Variants in CACNA1D observed in about 807,000 individuals in gnomAD.
The protein encoded by CACNA1D is voltage-dependent L-type calcium channel subunit alpha-1D.
In CACNA1D, 55 loss-of-function variants were observed where a neutral mutation model predicts 257.1. The observed-to-expected ratio is 0.21, with a 90% confidence interval of 0.17 to 0.27. The LOEUF is 0.27. Ranked by LOEUF, CACNA1D falls within the 10% of genes least tolerant of loss-of-function variation. The probability of loss-of-function intolerance (pLI) is 1.00; values close to 1 mark genes in which losing one functional copy is unlikely to be tolerated. For synonymous variants in CACNA1D, 980 were observed against 1,014.9 expected, an observed-to-expected ratio of 0.97 and a Z score of 0.65; for missense variants, 1,876 against 2,784.0, an observed-to-expected ratio of 0.67 and a Z score of 7.34.
At chr3:53,665,024 G>A (rs2094247110) in intron 5 of CACNA1D, among the ~76,000 whole-genome samples, 1 of 152,152 alleles carries the variant, frequency 6.6e-6, no homozygotes, top group African/African-American at 2.4e-5. Context: ...ACGGTGCCAG[G>A]GAGTGATTGC....
At chr3:53,542,848 A>G (rs1343257937) in intron 3 of CACNA1D, among the ~76,000 whole-genome samples, 1 of 152,030 alleles carries the variant, frequency 6.6e-6, no homozygotes, top group Non-Finnish European at 1.5e-5. Context: ...TGAGGTCAGG[A>G]GTTCGAGACC....
chr3:53,601,328 G>T (rs767503511), intron 3 of CACNA1D, among the ~76,000 whole-genome samples: 2 of 152,102 alleles, frequency 1.3e-5, no homozygotes, highest in African/African-American at 2.4e-5. Flanking sequence ...TACTAAATAG[G>T]CTCCTTTAAT....
intron 3 of CACNA1D, among the ~76,000 whole-genome samples, chr3:53,553,461 G>C (rs1376645393): frequency 3.3e-5 from 5 of 152,184 alleles, no homozygotes; most frequent in African/African-American, 1.2e-4. Context: ...TGCTGGTGGT[G>C]GCAGGGGAAA....
At chr3:53,497,574 A>C in intron 2 of CACNA1D, 113 bp downstream of exon 2, 1 of 1,114,028 alleles carries the variant, frequency 9.0e-7, no homozygotes, top group South Asian at 1.3e-5. Flanking sequence ...TGCGAGTAAC[A>C]GAAGTTGTAT....
At chr3:53,672,183 A>G (rs2094329381) in intron 7 of CACNA1D, among the ~76,000 whole-genome samples, 2 of 152,122 alleles carry the variant, frequency 1.3e-5, no homozygotes, top group African/African-American at 2.4e-5. Flanking sequence ...TCCTCAGGCC[A>G]CACCCTTTCA....
intron 3 of CACNA1D, among the ~76,000 whole-genome samples, chr3:53,623,212 G>A (rs1040008391): frequency 1.1e-4 from 16 of 152,296 alleles, no homozygotes; most frequent in African/African-American, 2.2e-4. Flanking sequence ...AAGAGAAAGC[G>A]CGGTGTATCA....
Position 53,802,138 on chromosome 3 carries a change from C to T in CACNA1D, c.5409-9C>T, listed in dbSNP as rs371844921. ...TCCCTCCTTCCCATGTTATGCCTTT[C>T]CTGGATAGAACCCGCTATTATGAAA... On this transcript the variant is annotated splice_polypyrimidine_tract_variant and intron_variant, in intron 42 of 47. Coordinates refer to ENST00000350061, the MANE Select transcript of CACNA1D (RefSeq NM_001128840.3). 8 of 1,605,172 alleles carry T rather than the reference C, an allele frequency of 5.0e-6. No homozygotes were observed. The highest frequency in any genetic ancestry group is 6.8e-6 in the Non-Finnish European group (8 of 1,171,982).
intron 8 of CACNA1D, among the ~76,000 whole-genome samples, chr3:53,675,172 G>A (rs2094362826): frequency 6.6e-6 from 1 of 152,208 alleles, no homozygotes; most frequent in Non-Finnish European, 1.5e-5. Context: ...GCCAGAGAGA[G>A]GAGTGGGGGC....
At chr3:53,624,831 T>C (rs1412242936) in intron 3 of CACNA1D, among the ~76,000 whole-genome samples, 1 of 152,152 alleles carries the variant, frequency 6.6e-6, no homozygotes, top group East Asian at 1.9e-4. Context: ...TGGGATTGTG[T>C]AGGGGCAAAC....
chr3:53,515,155 G>A (rs1249514414), intron 3 of CACNA1D, among the ~76,000 whole-genome samples: 1 of 152,152 alleles, frequency 6.6e-6, no homozygotes, highest in Admixed American at 6.5e-5. Flanking sequence ...GGGGTAAAAA[G>A]TTCAAAGCTC....
chr3:53,563,695 A>G (rs1028325528), intron 3 of CACNA1D, among the ~76,000 whole-genome samples: 6 of 152,290 alleles, frequency 3.9e-5, no homozygotes, highest in East Asian at 3.9e-4. Context: ...TTTTCCCTCA[A>G]TAATACTTCT....
chr3:53,692,919 A>C (rs568560274), intron 8 of CACNA1D, among the ~76,000 whole-genome samples: 1 of 152,298 alleles, frequency 6.6e-6, no homozygotes, highest in African/African-American at 2.4e-5. Context: ...TTAGCTGGAC[A>C]TGGTGGCGCA....
At chr3:53,591,168 TTCTC>T (rs2093298670) in intron 3 of CACNA1D, among the ~76,000 whole-genome samples, 5 of 152,184 alleles carry the variant, frequency 3.3e-5, no homozygotes, top group Admixed American at 3.3e-4. Flanking sequence ...TTTTCTCTTA[TTCTC>T]TCTGTCTGGA....
chr3:53,591,004 C>G (rs996101777), intron 3 of CACNA1D, among the ~76,000 whole-genome samples: 2 of 152,104 alleles, frequency 1.3e-5, no homozygotes, highest in African/African-American at 4.8e-5. Flanking sequence ...GGCACTGGAC[C>G]CAGACCTTTG....
intron 8 of CACNA1D, among the ~76,000 whole-genome samples, chr3:53,686,582 G>T (rs1049822715): frequency 3.3e-5 from 5 of 151,646 alleles, no homozygotes; most frequent in African/African-American, 1.2e-4. Flanking sequence ...GAAATCATAC[G>T]ATCACCTCAG....
chr3:53,673,216 G>A lies in CACNA1D; in HGVS notation c.1220+90G>A, dbSNP rs756946915. ...TTTGCTGGATGAGGGCCGCCAAGAG[G>A]GGTTGCCAGACATTTTATGTGTCCT... On this transcript the variant is annotated intron_variant, in intron 8 of 47. Transcript: ENST00000350061. This position sits in a 1 kb window ranked among gnomAD's most constrained non-coding sequence, Gnocchi z 4.1. 5.8e-5 allele frequency: 48 copies of A among 823,730 alleles called. No individual in the cohort carries two copies. Among genetic ancestry groups the A allele is most frequent in the Admixed American group, 1.4e-4 (6 of 44,360 alleles). The allele number at this position is 823,730 out of a possible 1,614,324, so 51.0% of individuals were successfully genotyped here. A position where few individuals can be genotyped will look rare whatever the true frequency, so the allele number is the denominator to read the frequency against.
intron 7 of CACNA1D, among the ~76,000 whole-genome samples, chr3:53,667,841 A>ATG (rs61605595): frequency 0.1 from 15,322 of 149,940 alleles, 1,833 homozygotes; most frequent in African/African-American, 0.3. Flanking sequence ...GTGTGTATGC[A>ATG]TGTGTGTGTG....
chr3:53,704,660 G>T (rs1451610743), intron 9 of CACNA1D, among the ~76,000 whole-genome samples: 5 of 152,208 alleles, frequency 3.3e-5, no homozygotes, highest in African/African-American at 1.2e-4. Context: ...GGAGATGCCT[G>T]CACCGCTCTT....
In CACNA1D at chr3:53,661,223, C is replaced by T. The variant is rs375135163; in HGVS notation, c.766+948C>T. On this transcript the variant is annotated intron_variant, in intron 5 of 47. Transcript: ENST00000350061. ...TGCAGGGTGTGCCTGTTTTTCACAA[C>T]TCATAAAGCCATCAGAAGAACACAG... is the stretch of plus-strand genomic sequence containing the variant. 6.6e-5 allele frequency among the ~76,000 whole-genome samples: 10 copies of T among 152,278 alleles called. No individual in the cohort carries two copies. In the South Asian group the frequency reaches 1.9e-3, roughly 28 times the overall value.
Sources: allele counts gnomAD v4.1 joint callset (sites outside exome capture counted in the v4.1 genomes callset), GRCh38; gene constraint gnomAD v4.1.1; non-coding constraint Gnocchi (gnomAD v3.1); transcripts MANE v1.5; gene names NCBI Gene and HGNC (gene_info 2026-07-23, HGNC 2026-07-21).